Variants in C11orf97 observed in about 807,000 individuals in gnomAD.
C11orf97 encodes uncharacterized protein C11orf97.
A neutral mutation model predicts 16.2 loss-of-function variants in C11orf97; 15 were observed. The observed-to-expected ratio is 0.93, with a 90% CI of 0.62 to 1.43. The LOEUF is 1.43. Among genes scored for constraint, C11orf97 ranks in the 40% most tolerant of loss-of-function variants. C11orf97 has a pLI of 0.00. For missense variants in C11orf97, 171 were observed against 161.2 expected, an observed-to-expected ratio of 1.06 and a Z score of -0.33; for synonymous variants, 61 against 65.7, an observed-to-expected ratio of 0.93 and a Z score of 0.34.
intron 2 of C11orf97, among the ~76,000 whole-genome samples, chr11:94,521,439 G>A (rs1193620981): frequency 6.6e-6 from 1 of 152,238 alleles, no homozygotes; most frequent in Non-Finnish European, 1.5e-5. Context: ...CCATTCTAAT[G>A]TAAGTGTTCT....
chr11:94,515,183 C>T (rs374183798), intron 1 of C11orf97, among the ~76,000 whole-genome samples: 20 of 151,950 alleles, frequency 1.3e-4, no homozygotes, highest in African/African-American at 4.6e-4. Context: ...TTTTATGACT[C>T]AAGGAAGCTA....
intron 2 of C11orf97, 96 bp downstream of exon 2, chr11:94,517,783 TAAA>T: frequency 1.2e-6 from 1 of 846,328 alleles, no homozygotes; most frequent in Non-Finnish European, 1.7e-6. Context: ...ACTATTGAAA[TAAA>T]AAGTTTTTGG....
At chr11:94,525,634 C>T (rs1474002896) in intron 2 of C11orf97, among the ~76,000 whole-genome samples, 1 of 152,118 alleles carries the variant, frequency 6.6e-6, no homozygotes, top group Non-Finnish European at 1.5e-5. Flanking sequence ...CAAAGGCTTG[C>T]CAAGACAATT....
chr11:94,520,024 T>C (rs530080955), intron 2 of C11orf97, among the ~76,000 whole-genome samples: 1 of 152,342 alleles, frequency 6.6e-6, no homozygotes, highest in South Asian at 2.1e-4. Context: ...ATAAAACTTT[T>C]AGAGAATTGT....
intron 2 of C11orf97, among the ~76,000 whole-genome samples, chr11:94,519,033 T>C (rs1318525468): frequency 1.3e-5 from 2 of 152,006 alleles, no homozygotes; most frequent in Admixed American, 6.6e-5. Context: ...CTCAGCCTCC[T>C]GAGTAGCTGG....
In C11orf97 at chr11:94,531,437, T is replaced by TCAAACAAA. The variant is rs35944099; in HGVS notation, c.377-441_377-434dup. Among the ~76,000 whole-genome samples, 393 of 145,544 alleles carry TCAAACAAA rather than the reference T, an allele frequency of 2.7e-3. 1 individual carries two copies. Among genetic ancestry groups the TCAAACAAA allele is most frequent in the Non-Finnish European group, 4.0e-3 (270 of 67,012 alleles). On this transcript the variant is annotated intron_variant, in intron 3 of 3. Coordinates refer to ENST00000542198, the MANE Select transcript of C11orf97 (RefSeq NM_001190462.2). ...CTGGGTGACAGAGCAAGACTGTGTT[T>TCAAACAAA]CAAACAAACAAACAAACAAACAAAC...
intron 3 of C11orf97, among the ~76,000 whole-genome samples, chr11:94,529,474 C>G (rs674376): frequency 6.6e-6 from 1 of 152,022 alleles, no homozygotes; most frequent in Non-Finnish European, 1.5e-5. Context: ...CACCATTTAT[C>G]AGGAGCCAGG....
Position 94,512,546 on chromosome 11 carries a change from G to GGTGGTGGTGACCGCA in C11orf97, c.26_40dup (p.Val9_Val13dup). 7.6e-7 allele frequency: 1 copy of GGTGGTGGTGACCGCA among 1,312,302 alleles called. No individual in the cohort carries two copies. The highest frequency in any genetic ancestry group is 9.7e-7 in the Non-Finnish European group (1 of 1,029,684). 81.3% of individuals were successfully genotyped at this position (1,312,302 alleles called of 1,614,324 possible). A position where few individuals can be genotyped will look rare whatever the true frequency, so the allele number is the denominator to read the frequency against. The stretch of plus-strand genomic sequence containing the variant: ...GCTGCGGCATGACAGGCGAGGAGGC[G>GGTGGTGGTGACCGCA]GTGGTGGTGACCGCAGTGGTGGCGC... On this transcript the variant is annotated inframe_insertion, in exon 1 of 4. Transcript: ENST00000542198.
chr11:94,528,265 T>C, intron 3 of C11orf97, 56 bp downstream of exon 3: 1 of 1,458,014 alleles, frequency 6.9e-7, no homozygotes, highest in Non-Finnish European at 9.1e-7. Context: ...CTTTACAGTT[T>C]ACAAACCAGT....
intron 2 of C11orf97, among the ~76,000 whole-genome samples, chr11:94,526,657 T>G (rs1947703286): frequency 6.6e-6 from 1 of 152,202 alleles, no homozygotes; most frequent in Admixed American, 6.5e-5. Flanking sequence ...ATTTGAGAGT[T>G]TATTATCCAG....
chr11:94,518,280 C>T (rs973116991), intron 2 of C11orf97, among the ~76,000 whole-genome samples: 4 of 151,874 alleles, frequency 2.6e-5, no homozygotes, highest in African/African-American at 9.7e-5. Context: ...TAACTTCAAT[C>T]TTTATCAATA....
intron 2 of C11orf97, among the ~76,000 whole-genome samples, chr11:94,519,362 G>A (rs1356745775): frequency 6.6e-6 from 1 of 152,184 alleles, no homozygotes; most frequent in African/African-American, 2.4e-5. Flanking sequence ...ATGAATGGAT[G>A]CAGAATGACC....
intron 1 of C11orf97, among the ~76,000 whole-genome samples, chr11:94,514,465 C>A (rs924435147): frequency 6.6e-6 from 1 of 152,142 alleles, no homozygotes; most frequent in Non-Finnish European, 1.5e-5. Context: ...TTGGAAAAGT[C>A]TTCAGTCTCT....
Position 94,524,603 on chromosome 11 carries a change from A to AAAAG in C11orf97, c.251-3481_251-3480insAAAG, listed in dbSNP as rs1555023347. On this transcript the variant is annotated intron_variant, in intron 2 of 3. Coordinates refer to ENST00000542198, the MANE Select transcript of C11orf97 (RefSeq NM_001190462.2). ...CTCATCCTGAAAAAAAAAAAAAAAAAGGGAGTGTAGTTTTCTCATCAGATC... is the reference window on the plus strand; with the variant it reads ...CTCATCCTGAAAAAAAAAAAAAAAAAAAAGGGGAGTGTAGTTTTCTCATCAGATC... Among the ~76,000 whole-genome samples, 3 of 150,590 alleles carry AAAAG rather than the reference A, an allele frequency of 2.0e-5. No individual in the cohort carries two copies. In the East Asian group the frequency reaches 5.9e-4, roughly 29 times the overall value.
Position 94,528,226 on chromosome 11 carries a change from C to T in C11orf97, c.376+17C>T, listed in dbSNP as rs1239144676. On this transcript the variant is annotated intron_variant, in intron 3 of 3. Coordinates refer to ENST00000542198, the MANE Select transcript of C11orf97 (RefSeq NM_001190462.2). Reference sequence around the variant, plus strand: ...GACTCAGAAGTAAGACCCTGATGCCCTTGACTTCCACTGAAGCCCCTGAGG... The same window carrying T: ...GACTCAGAAGTAAGACCCTGATGCCTTTGACTTCCACTGAAGCCCCTGAGG... The T allele has an allele frequency of 1.3e-5, 20 of 1,526,418 alleles. No homozygotes were observed. In the East Asian group the frequency reaches 4.2e-4, roughly 32 times the overall value. 94.6% of individuals were successfully genotyped at this position (1,526,418 alleles called of 1,614,324 possible). A position where few individuals can be genotyped will look rare whatever the true frequency, so the allele number is the denominator to read the frequency against.
At chr11:94,531,418 G>A (rs1480762936) in intron 3 of C11orf97, among the ~76,000 whole-genome samples, 6 of 144,402 alleles carry the variant, frequency 4.2e-5, no homozygotes, top group East Asian at 4.0e-4. Flanking sequence ...CAGCCTGGGT[G>A]ACAGAGCAAG....
chr11:94,517,610 A>T lies in C11orf97; in HGVS notation c.173A>T (p.His58Leu). ...AAGAAATTTTTATATTGTGAGCCAC[A>T]TAAGAGAATTAAGGAAGTACTGGAA... ...QWKKFLYCEP[H>L]KRIKEVLEEE... The change falls in exon 2 of 4, where the codon CAT (histidine) becomes CTT (leucine). Residue 58 changes from histidine (H) to leucine (L), a missense_variant. His to Leu is a moderately conservative substitution (Grantham distance 99). Coordinates refer to ENST00000542198, the MANE Select transcript of C11orf97 (RefSeq NM_001190462.2). 6.5e-7 allele frequency: 1 copy of T among 1,531,018 alleles called. No individual in the cohort carries two copies. Among genetic ancestry groups the T allele is most frequent in the Non-Finnish European group, 8.7e-7 (1 of 1,145,126 alleles). The allele number at this position is 1,531,018 out of a possible 1,614,324, so 94.8% of individuals were successfully genotyped here. A position where few individuals can be genotyped will look rare whatever the true frequency, so the allele number is the denominator to read the frequency against.
intron 2 of C11orf97, among the ~76,000 whole-genome samples, chr11:94,519,599 ATTTTCCTAAGCAATC>A (rs1376924477): frequency 6.6e-6 from 1 of 152,204 alleles, no homozygotes; most frequent in Non-Finnish European, 1.5e-5. Flanking sequence ...ATAAAAATTC[ATTTTCCTAAGCAATC>A]TTTTCAAATA....
At chr11:94,521,397 G>A (rs1947656287) in intron 2 of C11orf97, among the ~76,000 whole-genome samples, 2 of 152,208 alleles carry the variant, frequency 1.3e-5, no homozygotes, top group Admixed American at 6.5e-5. Context: ...TGCAATGCTG[G>A]GCAGTGGCCA....
Sources: allele counts gnomAD v4.1 joint callset (sites outside exome capture counted in the v4.1 genomes callset), GRCh38; gene constraint gnomAD v4.1.1; transcripts MANE v1.5; gene names NCBI Gene and HGNC (gene_info 2026-07-23, HGNC 2026-07-21).